CSMD1: variants seen among roughly 807,000 people sequenced by gnomAD.
CSMD1 encodes CUB and Sushi multiple domains 1.
Under a neutral mutation model 417.5 loss-of-function variants are expected in CSMD1, and 213 were observed. The ratio of observed to expected loss-of-function variants is 0.51; its 90% CI spans 0.46 to 0.57. The LOEUF (loss-of-function observed/expected upper bound fraction) is 0.57, where lower values mean the gene tolerates loss of function less well. CSMD1 is among the 20% of genes least tolerant of loss of function. The pLI, the probability that CSMD1 is intolerant of heterozygous loss-of-function variation, is 0.00. For synonymous variants in CSMD1, 2,862 were observed against 1,736.8 expected, an observed-to-expected ratio of 1.65 and a Z score of -16.11; for missense variants, 6,923 against 4,529.7, an observed-to-expected ratio of 1.53 and a Z score of -15.17.
intron 5 of CSMD1, among the ~76,000 whole-genome samples, chr8:3,991,081 G>C (rs139371519): frequency 6.6e-6 from 1 of 152,182 alleles, no homozygotes; most frequent in Admixed American, 6.5e-5. Flanking sequence ...TTCCTTCGCT[G>C]CCCAGCGGCT....
intron 3 of CSMD1, among the ~76,000 whole-genome samples, chr8:4,138,963 G>A (rs1031907361): frequency 2.6e-5 from 4 of 152,002 alleles, no homozygotes; most frequent in South Asian, 4.2e-4. Flanking sequence ...TCGAACACTC[G>A]CCATGCATCT....
intron 10 of CSMD1, among the ~76,000 whole-genome samples, chr8:3,549,390 T>A (rs4875237): frequency 0.46 from 70,204 of 151,976 alleles, 16,533 homozygotes; most frequent in East Asian, 0.53. Context: ...CTTATTCTAC[T>A]CTGGCCTGAT....
chr8:4,372,994 G>C (rs1563105706), intron 3 of CSMD1, among the ~76,000 whole-genome samples: 1 of 152,154 alleles, frequency 6.6e-6, no homozygotes, highest in African/African-American at 2.4e-5. Context: ...CTTCACACTG[G>C]ACAGCCCTCA....
At chr8:3,573,755 C>A (rs1800035733) in intron 10 of CSMD1, among the ~76,000 whole-genome samples, 1 of 152,014 alleles carries the variant, frequency 6.6e-6, no homozygotes, top group African/African-American at 2.4e-5. Context: ...CACTTAGACA[C>A]AGAACTGTTA....
At chr8:3,628,601 G>T (rs191786235) in intron 7 of CSMD1, among the ~76,000 whole-genome samples, 14 of 152,284 alleles carry the variant, frequency 9.2e-5, no homozygotes, top group African/African-American at 3.4e-4. Flanking sequence ...AAGTGCAGGG[G>T]GAGGAAGAGG....
At chr8:4,214,688 T>C (rs972642501) in intron 3 of CSMD1, among the ~76,000 whole-genome samples, 12 of 152,178 alleles carry the variant, frequency 7.9e-5, no homozygotes, top group African/African-American at 1.9e-4. Flanking sequence ...GTTTGGTGTG[T>C]GTGTAGCTAA....
At chr8:3,834,830 C>G (rs551433794) in intron 5 of CSMD1, among the ~76,000 whole-genome samples, 1 of 151,432 alleles carries the variant, frequency 6.6e-6, no homozygotes, top group African/African-American at 2.4e-5. Flanking sequence ...TGACAAAGGG[C>G]TAATATCCAG....
chr8:4,491,380 G>A (rs993660192), intron 2 of CSMD1, among the ~76,000 whole-genome samples: 7 of 152,080 alleles, frequency 4.6e-5, no homozygotes, highest in African/African-American at 1.7e-4. Context: ...CCATTATAGC[G>A]ATCAGCCCTG....
intron 1 of CSMD1, among the ~76,000 whole-genome samples, chr8:4,782,950 CAA>C (rs11378248): frequency 4.7e-5 from 6 of 127,726 alleles, no homozygotes; most frequent in Admixed American, 7.9e-5. Flanking sequence ...TAAAGACACT[CAA>C]AAAAAAAAAA....
Position 2,966,722 on chromosome 8 carries a change from G to A in CSMD1, c.8948C>T (p.Thr2983Ile), listed in dbSNP as rs754332454. 7 of 1,613,552 alleles carry A rather than the reference G, an allele frequency of 4.3e-6. No individual in the cohort carries two copies. The highest frequency in any genetic ancestry group is 5.9e-6 in the Non-Finnish European group (7 of 1,179,788). ...ACTGACAATCATTCCGTTGGTGGGT[G>A]TGCCAGGGTTGCCACAGGACACGGC... is the stretch of plus-strand genomic sequence containing the variant. ...CEAVSCGNPG[T>I]PTNGMIVSSD... The change falls in exon 58 of 70, where the codon ACA becomes ATA. Residue 2983 changes from threonine to isoleucine, a missense_variant. Coordinates refer to ENST00000635120, the MANE Select transcript of CSMD1 (RefSeq NM_033225.6).
At chr8:4,272,970 G>T (rs1804697632) in intron 3 of CSMD1, among the ~76,000 whole-genome samples, 1 of 152,128 alleles carries the variant, frequency 6.6e-6, no homozygotes. Context: ...AATTACAAAG[G>T]AAGGAAAACC....
rs550971092 is a variant in CSMD1 at position 3,905,512 on chromosome 8, A to G, written c.818+92391T>C. Among the ~76,000 whole-genome samples the G allele has an allele frequency of 1.8e-3, 269 of 152,330 alleles. 2 individuals carry two copies. Among genetic ancestry groups the G allele is most frequent in the Non-Finnish European group, 1.7e-3 (113 of 68,028 alleles). The stretch of plus-strand genomic sequence containing the variant: ...TGTGAAAGATCTCTGTGCACCTGCT[A>G]CCCAGCGTTTCTCAACATTCAGCAT... On this transcript the variant is annotated intron_variant, in intron 5 of 69. Coordinates refer to ENST00000635120, the MANE Select transcript of CSMD1 (RefSeq NM_033225.6).
At chr8:4,478,483 T>C (rs1800921903) in intron 2 of CSMD1, among the ~76,000 whole-genome samples, 1 of 151,872 alleles carries the variant, frequency 6.6e-6, no homozygotes, top group Non-Finnish European at 1.5e-5. Context: ...TCATTAGCTT[T>C]CCCCCCCAAA....
Position 3,284,148 on chromosome 8 carries a change from G to T in CSMD1, c.4149C>A (p.Phe1383Leu), listed in dbSNP as rs1403137164. ...GAAGCACGCTGTGCCACCTACTGGA[G>T]AACTGGATGGAGAAGCCAGACTTGC... ...FISKSGFSIQFSTSIAATCND... is the reference protein window; with the variant it reads ...FISKSGFSIQLSTSIAATCND... The change falls in exon 26 of 70, where the codon TTC (phenylalanine) becomes TTA (leucine). Residue 1383 changes from phenylalanine to leucine, a missense_variant. Physicochemically the swap from Phe to Leu is conservative, Grantham distance 22 (BLOSUM62 0). Transcript: ENST00000635120. 2 of 1,561,510 alleles carry T rather than the reference G, an allele frequency of 1.3e-6. No homozygotes were observed. The highest frequency in any genetic ancestry group is 2.4e-5 in the East Asian group (1 of 41,580).
chr8:4,978,889 G>C (rs944231040), intron 1 of CSMD1, among the ~76,000 whole-genome samples: 8 of 152,206 alleles, frequency 5.3e-5, no homozygotes, highest in Admixed American at 2.6e-4. Flanking sequence ...AGTGAGCTGA[G>C]ATTGTGCCAC....
At chr8:3,791,746 C>T (rs1404802247) in intron 5 of CSMD1, among the ~76,000 whole-genome samples, 3 of 152,080 alleles carry the variant, frequency 2.0e-5, no homozygotes, top group Non-Finnish European at 4.4e-5. Context: ...TCGCTTGAGC[C>T]TGGGAGGTGG....
intron 5 of CSMD1, among the ~76,000 whole-genome samples, chr8:3,791,966 A>G (rs1342560748): frequency 6.6e-6 from 1 of 152,180 alleles, no homozygotes; most frequent in African/African-American, 2.4e-5. Flanking sequence ...TCCTTCAGAC[A>G]CATCACTTCC....
At chr8:4,340,075 C>G (rs1050822720) in intron 3 of CSMD1, among the ~76,000 whole-genome samples, 1 of 152,024 alleles carries the variant, frequency 6.6e-6, no homozygotes, top group Non-Finnish European at 1.5e-5. Flanking sequence ...ACTCTGGTAA[C>G]GTAAGTATTA....
At chr8:3,423,947 G>A (rs1813660294) in intron 12 of CSMD1, among the ~76,000 whole-genome samples, 1 of 151,980 alleles carries the variant, frequency 6.6e-6, no homozygotes, top group East Asian at 1.9e-4. Flanking sequence ...AACTATTTTT[G>A]GCTACTTACA....
Sources: allele counts gnomAD v4.1 joint callset (sites outside exome capture counted in the v4.1 genomes callset), GRCh38; gene constraint gnomAD v4.1.1; transcripts MANE v1.5; gene names NCBI Gene and HGNC (gene_info 2026-07-23, HGNC 2026-07-21).